The following AGAP1 variants were observed in gnomAD, a reference collection of about 807,000 sequenced individuals.
The protein encoded by AGAP1 is ArfGAP with GTPase domain, ankyrin repeat and PH domain 1, also known as arf-GAP with GTPase, ANK repeat and PH domain-containing protein 1.
AGAP1 carries 29 observed loss-of-function variants against 105.3 expected under a neutral mutation model. The observed-to-expected ratio is 0.28, with a 90% CI of 0.21 to 0.38. The LOEUF is 0.38. Among genes scored for constraint, AGAP1 ranks in the 10% least tolerant of loss-of-function variants. The pLI is 1.00. For missense variants in AGAP1, 998 were observed against 1,165.1 expected (o/e 0.86, Z 2.09); for synonymous variants, 509 against 485.9 (o/e 1.05, Z -0.63).
rs574602991 is a variant in AGAP1, at chr2:235,725,684, T to C, written c.310+8040T>C. Among the ~76,000 whole-genome samples the C allele has an allele frequency of 5.3e-4, 81 of 152,284 alleles. No homozygotes were observed. Among genetic ancestry groups the C allele is most frequent in the Admixed American group, 2.2e-3 (33 of 15,298 alleles). ...TTGAGATGATGAGCCTGCTGCTATG[T>C]TGGTTTAATAGATAAAGCAGAAGTC... On this transcript the variant is annotated intron_variant, in intron 3 of 17. Coordinates refer to ENST00000304032, the MANE Select transcript of AGAP1 (RefSeq NM_001037131.3). The surrounding 1 kb of genome is among the most constrained non-coding windows in gnomAD (Gnocchi z 5.7).
intron 16 of AGAP1, among the ~76,000 whole-genome samples, chr2:236,110,212 T>C (rs2059608837): frequency 6.6e-6 from 1 of 152,122 alleles, no homozygotes; most frequent in African/African-American, 2.4e-5. Context: ...AGGTTCAGCC[T>C]GGGCTGGGTG....
At chr2:235,698,563 G>C (rs1390893669) in intron 1 of AGAP1, among the ~76,000 whole-genome samples, 1 of 152,118 alleles carries the variant, frequency 6.6e-6, no homozygotes, top group Non-Finnish European at 1.5e-5. Context: ...TTCATTTTAG[G>C]TGTTAAAATG....
rs1010898105 is a variant in AGAP1, at chr2:235,551,817, A to G, written c.163+56968A>G. The stretch of plus-strand genomic sequence containing the variant: ...TGGTAGATCCTGAAGGCGTAGAAAG[A>G]GGGTCCTCTGGAGAACACAAACTGA... On this transcript the variant is annotated intron_variant, in intron 1 of 17. Transcript: ENST00000304032. This position sits in a 1 kb window ranked among gnomAD's most constrained non-coding sequence, Gnocchi z 4.8. Among the ~76,000 whole-genome samples, 15 of 152,174 alleles carry G rather than the reference A, an allele frequency of 9.9e-5. No homozygotes were observed. The highest frequency in any genetic ancestry group is 3.1e-4 in the African/African-American group (13 of 41,442).
chr2:235,868,265 T>A (rs949783815), intron 9 of AGAP1, among the ~76,000 whole-genome samples: 14 of 152,106 alleles, frequency 9.2e-5, no homozygotes, highest in Non-Finnish European at 1.8e-4. Context: ...AAACTTTTTT[T>A]AAAAAACTTG....
chr2:235,529,794 C>G (rs544710589), intron 1 of AGAP1, among the ~76,000 whole-genome samples: 9 of 152,162 alleles, frequency 5.9e-5, no homozygotes, highest in Non-Finnish European at 1.2e-4. Context: ...GGGCAGAAAT[C>G]GAGGCCCCAG....
At chr2:235,825,116 T>C (rs1187608776) in intron 9 of AGAP1, among the ~76,000 whole-genome samples, 2 of 152,222 alleles carry the variant, frequency 1.3e-5, no homozygotes, top group Non-Finnish European at 2.9e-5. Context: ...CTTGTTGAAA[T>C]TGAGTGTGGA....
chr2:235,843,364 T>C lies in AGAP1; in HGVS notation c.1050+36033T>C. Among the ~76,000 whole-genome samples the C allele has an allele frequency of 6.6e-6, 1 of 152,136 alleles. No individual in the cohort carries two copies. The highest frequency in any genetic ancestry group is 6.5e-5 in the Admixed American group (1 of 15,278). On this transcript the variant is annotated intron_variant, in intron 9 of 17. Coordinates refer to ENST00000304032, the MANE Select transcript of AGAP1 (RefSeq NM_001037131.3). The surrounding 1 kb of genome is among the most constrained non-coding windows in gnomAD (Gnocchi z 5.9). ...CACGCTGTGTCCCTTTCTCTTCCTT[T>C]CTTTGAGTTCATTTCAGAATTCCTC...
chr2:235,674,469 A>C (rs938687446), intron 1 of AGAP1, among the ~76,000 whole-genome samples: 1 of 152,222 alleles, frequency 6.6e-6, no homozygotes, highest in Non-Finnish European at 1.5e-5. Context: ...TGAAGCCCAC[A>C]CTGGCTATGC....
intron 9 of AGAP1, among the ~76,000 whole-genome samples, chr2:235,809,571 G>C (rs1958021044): frequency 6.6e-6 from 1 of 152,198 alleles, no homozygotes; most frequent in African/African-American, 2.4e-5. Context: ...AGGTTCCACA[G>C]AGAATTTTTA....
At position 235,535,618 on chromosome 2, in the gene AGAP1, G is replaced by A. The variant is rs997645380; in HGVS notation, c.163+40769G>A. ...TTTCCTCAAAGACCCTGGGGGCCGG[G>A]CGGGGCTGTGCCAGGCACCCGCGTC... On this transcript the variant is annotated intron_variant, in intron 1 of 17. Transcript: ENST00000304032. This position sits in a 1 kb window ranked among gnomAD's most constrained non-coding sequence, Gnocchi z 5.1. 2.0e-5 allele frequency among the ~76,000 whole-genome samples: 3 copies of A among 151,918 alleles called. No homozygotes were observed. Among genetic ancestry groups the A allele is most frequent in the African/African-American group, 7.3e-5 (3 of 41,368 alleles).
In AGAP1 at chr2:235,734,872, C is replaced by T. The variant is rs1159127019; in HGVS notation, c.311-6091C>T. 1.3e-5 allele frequency among the ~76,000 whole-genome samples: 2 copies of T among 152,348 alleles called. No individual in the cohort carries two copies. The highest frequency in any genetic ancestry group is 1.9e-4 in the East Asian group (1 of 5,182). ...GTCTGGATTGGAGTCTTGGTCCTGCCGCGTGCTGGCCGTGGAGCTCTTGCT... is the reference window on the plus strand; with the variant it reads ...GTCTGGATTGGAGTCTTGGTCCTGCTGCGTGCTGGCCGTGGAGCTCTTGCT... On this transcript the variant is annotated intron_variant, in intron 3 of 17. Transcript: ENST00000304032. This position sits in a 1 kb window ranked among gnomAD's most constrained non-coding sequence, Gnocchi z 5.3.
intron 1 of AGAP1, among the ~76,000 whole-genome samples, chr2:235,511,640 A>G (rs1401786380): frequency 2.0e-5 from 3 of 152,054 alleles, no homozygotes; most frequent in African/African-American, 7.3e-5. Context: ...TGGCCAAGAG[A>G]AAATCTCCTG....
rs144215841 is a variant in AGAP1 at position 236,064,958 on chromosome 2, A to C, written c.2114+15677A>C. 2.8e-3 allele frequency among the ~76,000 whole-genome samples: 422 copies of C among 152,300 alleles called. 2 individuals carry two copies. Among genetic ancestry groups the C allele is most frequent in the Non-Finnish European group, 4.5e-3 (305 of 68,012 alleles). ...ATTTGAGAGATTGTGTTACTTTTTC[A>C]TTGTTTTCTTTCCAAAAACTAAAGT... On this transcript the variant is annotated intron_variant, in intron 16 of 17. Transcript: ENST00000304032.
At position 235,888,643 on chromosome 2, in the gene AGAP1, C is replaced by G. The variant is rs1317363575; in HGVS notation, c.1155+5194C>G. Among the ~76,000 whole-genome samples, 1 of 151,834 alleles carries G rather than the reference C, an allele frequency of 6.6e-6. No individual in the cohort carries two copies. ...CACTTGAGCCAGGAGGTCAGGGCTT[C>G]ACAGTGAGCTATGATCGTGCCACTG... On this transcript the variant is annotated intron_variant, in intron 10 of 17. Coordinates refer to ENST00000304032, the MANE Select transcript of AGAP1 (RefSeq NM_001037131.3). The surrounding 1 kb of genome is among the most constrained non-coding windows in gnomAD (Gnocchi z 4.8).
chr2:235,748,266 G>A (rs1379445189), intron 5 of AGAP1, among the ~76,000 whole-genome samples: 1 of 152,212 alleles, frequency 6.6e-6, no homozygotes, highest in Non-Finnish European at 1.5e-5. Flanking sequence ...GCATGCCGCT[G>A]AGGACGGAGG....
intron 9 of AGAP1, among the ~76,000 whole-genome samples, chr2:235,870,214 C>T (rs971362709): frequency 6.6e-6 from 1 of 152,212 alleles, no homozygotes; most frequent in Non-Finnish European, 1.5e-5. Flanking sequence ...TTGTCGTCTA[C>T]ACCAGGTACA....
At chr2:235,523,700 C>T (rs1334321704) in intron 1 of AGAP1, among the ~76,000 whole-genome samples, 1 of 152,172 alleles carries the variant, frequency 6.6e-6, no homozygotes, top group Admixed American at 6.5e-5. Flanking sequence ...GCTGCACAGA[C>T]ATGGCGGGGG....
At position 235,692,381 on chromosome 2, in the gene AGAP1, A is replaced by T. The variant is rs1025045094; in HGVS notation, c.164-16798A>T. ...TTTGCTCCTTTGTGCCTGCACTGCC[A>T]GGTGCACATCGAGCCTAATCTGGCT... is the stretch of plus-strand genomic sequence containing the variant. On this transcript the variant is annotated intron_variant, in intron 1 of 17. Transcript: ENST00000304032. The surrounding 1 kb of genome is among the most constrained non-coding windows in gnomAD (Gnocchi z 5.8). 6.6e-6 allele frequency among the ~76,000 whole-genome samples: 1 copy of T among 152,230 alleles called. No individual in the cohort carries two copies.
intron 1 of AGAP1, among the ~76,000 whole-genome samples, chr2:235,554,317 A>G (rs926486231): frequency 2.6e-5 from 4 of 152,190 alleles, no homozygotes; most frequent in East Asian, 1.9e-4. Flanking sequence ...GGAAGTTTGC[A>G]TGTGACTGGG....
Sources: allele counts gnomAD v4.1 joint callset (sites outside exome capture counted in the v4.1 genomes callset), GRCh38; gene constraint gnomAD v4.1.1; non-coding constraint Gnocchi (gnomAD v3.1); transcripts MANE v1.5; gene names NCBI Gene and HGNC (gene_info 2026-07-23, HGNC 2026-07-21).